Variants in GLA observed in about 807,000 individuals in gnomAD.
GLA encodes the protein galactosidase alpha, also known as alpha-galactosidase A.
In GLA, 4 loss-of-function variants were observed where a neutral mutation model predicts 28.2. That is an observed-to-expected ratio of 0.14 (90% confidence interval 0.07 to 0.32). GLA has a LOEUF of 0.32. Ranked by LOEUF, GLA falls within the 10% of genes least tolerant of loss-of-function variation. The probability of loss-of-function intolerance (pLI) is 1.00; values close to 1 mark genes in which losing one functional copy is unlikely to be tolerated. For missense variants in GLA, 203 were observed against 323.7 expected (o/e 0.63, Z 2.86); for synonymous variants, 94 against 113.0 (o/e 0.83, Z 1.07).
At chrX:101,398,213 A>G in intron 6 of GLA, 114 bp from the exon 7 acceptor site, 2 of 794,331 alleles carry the variant, frequency 2.5e-6, no homozygotes, top group South Asian at 4.3e-5. Flanking sequence ...AATTAAAATG[A>G]TCCTGTAGCA....
chrX:101,407,564 G>T, intron 1 of GLA, 146 bp downstream of exon 1: 1 of 600,046 alleles, frequency 1.7e-6, no homozygotes, highest in South Asian at 2.3e-5. Context: ...ATTCGGGACA[G>T]TTTGCTGGGG....
Position 101,407,916 on chromosome X carries a change from C to T in GLA, c.-13G>A, listed in dbSNP as rs782051708. The T allele has an allele frequency of 8.3e-7, 1 of 1,200,289 alleles. No homozygotes were observed. Among genetic ancestry groups the T allele is most frequent in the South Asian group, 1.8e-5 (1 of 56,613 alleles). On this transcript the variant is annotated 5_prime_UTR_variant, in exon 1 of 7. Coordinates refer to ENST00000218516, the MANE Select transcript of GLA (RefSeq NM_000169.3). ...TCCTCAGCTGCATTGTCACGGTGAC[C>T]GGACAGCATAAATTTCCGCGGGTAA...
rs2147487025 is a variant in GLA, at chrX:101,407,730, T to C, written c.174A>G (p.Glu58=). 8.3e-7 allele frequency: 1 copy of C among 1,211,142 alleles called. No homozygotes were observed. Among genetic ancestry groups the C allele is most frequent in the Non-Finnish European group, 1.1e-6 (1 of 894,709 alleles). The change falls in exon 1 of 7, where the codon GAA becomes GAG. Residue 58 remains glutamate (E), a synonymous_variant. Coordinates refer to ENST00000218516, the MANE Select transcript of GLA (RefSeq NM_000169.3). ...GATACCTGATGCAGGAATCTGGCTC[T>C]TCCTGGCAGTCAAGGTTGCACATGA... ...ERFMCNLDCQ[E]EPDSCISEKL... is the part of the protein sequence containing the mutation.
At chrX:101,407,417 A>T (rs1350063636) in intron 1 of GLA, among the ~76,000 whole-genome samples, 4 of 110,931 alleles carry the variant, frequency 3.6e-5, no homozygotes, top group Admixed American at 1.9e-4. Flanking sequence ...GCAGGGAGAG[A>T]GAGAAAGAGA....
chrX:101,398,818 A>G lies in GLA; in HGVS notation c.768T>C (p.Val256=), dbSNP rs781872759. 13 of 1,211,289 alleles carry G rather than the reference A, an allele frequency of 1.1e-5. No homozygotes were observed. The highest frequency in any genetic ancestry group is 1.5e-5 in the Non-Finnish European group (13 of 894,927). Residue 256 remains valine (V), a synonymous_variant, in exon 5 of 7, where the codon GTT becomes GTC. Coordinates refer to ENST00000218516, the MANE Select transcript of GLA (RefSeq NM_000169.3). ...GGTCATTCCAACCCCCTGGTCCAGCAACATCAACAATTCTCTCCTGGTTAA... is the reference window on the plus strand; with the variant it reads ...GGTCATTCCAACCCCCTGGTCCAGCGACATCAACAATTCTCTCCTGGTTAA... ...TSFNQERIVD[V]AGPGGWNDPD...
In GLA at chrX:101,399,309, G is replaced by A. The variant is rs187643776; in HGVS notation, c.640-363C>T. ...AGGCTGGGCACGGTGGCTCATGCCT[G>A]TAATCCCAGCACTTTGGGAGGCCGA... On this transcript the variant is annotated intron_variant, in intron 4 of 6. Transcript: ENST00000218516. 4.1e-4 allele frequency among the ~76,000 whole-genome samples: 46 copies of A among 113,002 alleles called. 1 individual carries two copies. In the East Asian group the frequency reaches 0.012, roughly 29 times the overall value.
At chrX:101,404,018 C>A (rs1555986352) in intron 1 of GLA, 33 bp from the exon 2 acceptor site, 1 of 1,155,709 alleles carries the variant, frequency 8.7e-7, no homozygotes, top group East Asian at 3.0e-5. Context: ...CATTACAATT[C>A]ATTAAATGAA....
intron 2 of GLA, 90 bp from the exon 3 acceptor site, chrX:101,401,899 G>T (rs1928333224): frequency 3.4e-6 from 3 of 880,181 alleles, no homozygotes; most frequent in East Asian, 6.2e-5. Flanking sequence ...TGGGGGAAGA[G>T]ACAAGGTTAC....
chrX:101,405,754 T>G (rs923265105), intron 1 of GLA, among the ~76,000 whole-genome samples: 1 of 109,359 alleles, frequency 9.1e-6, no homozygotes, highest in Non-Finnish European at 1.9e-5. Flanking sequence ...AACCCGTCTC[T>G]ACTGAAAATA....
At chrX:101,407,649 T>TC in intron 1 of GLA, 61 bp downstream of exon 1, 1 of 1,061,029 alleles carries the variant, frequency 9.4e-7, no homozygotes, top group Non-Finnish European at 1.3e-6. Flanking sequence ...ACTCTCCAGT[T>TC]CCCCAAACAC....
At chrX:101,403,742 C>T (rs869312281) in intron 2 of GLA, 69 bp downstream of exon 2, 1 of 1,082,871 alleles carries the variant, frequency 9.2e-7, no homozygotes, top group Non-Finnish European at 1.3e-6. Flanking sequence ...AGGGCTGTTT[C>T]TAAACAAGCT....
At chrX:101,398,600 G>C in intron 5 of GLA, 33 bp from the exon 6 acceptor site, 1 of 1,143,431 alleles carries the variant, frequency 8.7e-7, no homozygotes, top group Non-Finnish European at 1.2e-6. Flanking sequence ...TCAAACAAGA[G>C]AGGAGGAAAC....
At chrX:101,401,438 G>A in intron 3 of GLA, 194 bp downstream of exon 3, 1 of 488,776 alleles carries the variant, frequency 2.0e-6, no homozygotes, top group Non-Finnish European at 3.7e-6. Context: ...GGTTAGGTAT[G>A]CATGGATTTT....
At chrX:101,401,368 T>A (rs1555985726) in intron 3 of GLA, 1 of 389,378 alleles carries the variant, frequency 2.6e-6, no homozygotes, top group Non-Finnish European at 4.5e-6. Context: ...TTATAGAGAG[T>A]TACAATTACT....
At position 101,403,648 on chromosome X, in the gene GLA, T is replaced by C. The variant is rs370226383; in HGVS notation, c.369+163A>G. Among the ~76,000 whole-genome samples the C allele has an allele frequency of 4.9e-3, 545 of 111,346 alleles. 6 individuals carry two copies. The highest frequency in any genetic ancestry group is 0.017 in the African/African-American group (530 of 30,665). On this transcript the variant is annotated intron_variant, in intron 2 of 6. Transcript: ENST00000218516. The stretch of plus-strand genomic sequence containing the variant: ...TTCACCATGTTGGCCAGGCTGGTCT[T>C]GAACTCTTGACCTCAGGTGATCCAC...
intron 4 of GLA, 48 bp from the exon 5 acceptor site, chrX:101,398,994 T>C: frequency 9.2e-7 from 1 of 1,090,890 alleles, no homozygotes; most frequent in Non-Finnish European, 1.3e-6. Context: ...CTAACATCCT[T>C]GTGAGATGAA....
At chrX:101,404,028 A>G (rs376723747) in intron 1 of GLA, 43 bp from the exon 2 acceptor site, 6 of 1,105,541 alleles carry the variant, frequency 5.4e-6, no homozygotes, top group Non-Finnish European at 7.5e-6. Context: ...CATTAAATGA[A>G]CACTTAGGTA....
At chrX:101,407,600 TG>T in intron 1 of GLA, 109 bp downstream of exon 1, 1 of 710,842 alleles carries the variant, frequency 1.4e-6, no homozygotes. Flanking sequence ...CAGAGTCGGG[TG>T]GGGGAGCTCT....
chrX:101,398,101 T>C lies in GLA; in HGVS notation c.1000-2A>G. 8.3e-7 allele frequency: 1 copy of C among 1,208,786 alleles called. No individual in the cohort carries two copies. ...TTCCCACACTTCAAAGTTGTCTCCC[T>C]GAAAAACCAAGAAAGTGTGGTTGCT... On this transcript the variant is annotated splice_acceptor_variant, in intron 6 of 6. Transcript: ENST00000218516. LOFTEE classifies it high-confidence loss of function.
Sources: gnomAD v4.1 joint callset for allele counts (sites outside exome capture counted in the v4.1 genomes callset) on GRCh38, gnomAD v4.1.1 for gene constraint, MANE v1.5 for transcripts, NCBI Gene and HGNC (gene_info 2026-07-23, HGNC 2026-07-21) for gene names.